CTNNA2: variants seen among roughly 807,000 people sequenced by gnomAD.
CTNNA2 encodes catenin alpha-2.
Under a neutral mutation model 101.0 loss-of-function variants are expected in CTNNA2, and 42 were observed. The observed-to-expected ratio is 0.42, with a 90% confidence interval of 0.32 to 0.54. The LOEUF is 0.54. Ranked by LOEUF, CTNNA2 falls within the 20% of genes least tolerant of loss-of-function variation. The probability of loss-of-function intolerance (pLI) is 0.14; values close to 1 mark genes in which losing one functional copy is unlikely to be tolerated. For synonymous variants in CTNNA2, 450 were observed against 456.4 expected (o/e 0.99, Z 0.18); for missense variants, 871 against 1,223.1 (o/e 0.71, Z 4.29).
At chr2:79,600,286 G>T (rs1347008685) in intron 1 of CTNNA2, among the ~76,000 whole-genome samples, 1 of 151,950 alleles carries the variant, frequency 6.6e-6, no homozygotes, top group Non-Finnish European at 1.5e-5. Context: ...AGCCATTCTT[G>T]TGCCTCAGCC....
chr2:79,657,688 C>T (rs887242568), intron 2 of CTNNA2, among the ~76,000 whole-genome samples: 7 of 151,516 alleles, frequency 4.6e-5, no homozygotes, highest in African/African-American at 1.7e-4. Flanking sequence ...AAGAAACCTA[C>T]CTAAGCTATT....
intron 2 of CTNNA2, among the ~76,000 whole-genome samples, chr2:79,234,825 T>C (rs561923393): frequency 6.6e-6 from 1 of 152,316 alleles, no homozygotes; most frequent in Non-Finnish European, 1.5e-5. Flanking sequence ...TATTCTGCTA[T>C]TGATACTTCC....
chr2:79,834,944 C>T (rs906158544), intron 3 of CTNNA2, among the ~76,000 whole-genome samples: 1 of 152,086 alleles, frequency 6.6e-6, no homozygotes, highest in Non-Finnish European at 1.5e-5. Flanking sequence ...AACAGTCCAT[C>T]CACCCCTATT....
At chr2:80,044,374 C>T (rs1045437567) in intron 7 of CTNNA2, among the ~76,000 whole-genome samples, 2 of 62,622 alleles carry the variant, frequency 3.2e-5, no homozygotes, top group Non-Finnish European at 6.1e-5. Context: ...ATGCAAATGC[C>T]ACATTTGTAA....
chr2:80,185,987 T>C (rs1310123351), intron 7 of CTNNA2, among the ~76,000 whole-genome samples: 1 of 152,178 alleles, frequency 6.6e-6, no homozygotes, highest in Non-Finnish European at 1.5e-5. Context: ...ATTTATGAAA[T>C]GTCTGTGAGC....
chr2:79,466,718 G>T (rs1003169640), intron 4 of CTNNA2, among the ~76,000 whole-genome samples: 3 of 152,210 alleles, frequency 2.0e-5, no homozygotes, highest in African/African-American at 7.2e-5. Context: ...TTGCTGTTCA[G>T]CAATATTCAC....
At chr2:79,912,133 G>A (rs556241849) in intron 7 of CTNNA2, among the ~76,000 whole-genome samples, 13 of 152,280 alleles carry the variant, frequency 8.5e-5, no homozygotes, top group African/African-American at 3.1e-4. Flanking sequence ...GTACCATTAG[G>A]ATAAACAAGT....
intron 7 of CTNNA2, among the ~76,000 whole-genome samples, chr2:80,234,877 C>T (rs1193549390): frequency 6.6e-6 from 1 of 151,440 alleles, no homozygotes; most frequent in Non-Finnish European, 1.5e-5. Flanking sequence ...GTTTCAGTCA[C>T]AACTATTTAA....
intron 9 of CTNNA2, among the ~76,000 whole-genome samples, chr2:80,461,581 T>A (rs1029992989): frequency 1.3e-5 from 2 of 152,212 alleles, no homozygotes; most frequent in Admixed American, 1.3e-4. Flanking sequence ...TTTGACAATA[T>A]ACATGCAATT....
chr2:79,807,013 G>A (rs1393766626), intron 3 of CTNNA2, among the ~76,000 whole-genome samples: 2 of 151,904 alleles, frequency 1.3e-5, no homozygotes. Flanking sequence ...TTCCCAAATG[G>A]ACTCAGTGTA....
At chr2:79,993,002 C>T (rs1692288798) in intron 7 of CTNNA2, among the ~76,000 whole-genome samples, 1 of 152,108 alleles carries the variant, frequency 6.6e-6, no homozygotes, top group South Asian at 2.1e-4. Context: ...CCTTCAAACT[C>T]CTCTTTCTGG....
chr2:79,798,560 CTTT>C lies in CTNNA2; in HGVS notation c.298+53998_298+54000del, dbSNP rs34542700. Among the ~76,000 whole-genome samples the C allele has an allele frequency of 1.4e-4, 17 of 123,798 alleles. No homozygotes were observed. The East Asian group carries it at 1.7e-3, about 13-fold the overall frequency. 81.2% of individuals were successfully genotyped at this position (123,798 alleles called of 152,430 possible). ...AAGCCAACTAATTTATATAATAAGA[CTTT>C]TTTTTTTTTTTTTTTTTTTACAAAA... is the stretch of plus-strand genomic sequence containing the variant. On this transcript the variant is annotated intron_variant, in intron 3 of 18. Coordinates refer to ENST00000402739, the MANE Select transcript of CTNNA2 (RefSeq NM_001282597.3).
intron 16 of CTNNA2, among the ~76,000 whole-genome samples, chr2:80,604,410 A>G (rs1032133565): frequency 2.0e-5 from 3 of 151,990 alleles, no homozygotes; most frequent in Non-Finnish European, 4.4e-5. Context: ...TCCTTGAGAA[A>G]GAAGAACATA....
At chr2:79,928,976 A>G (rs908153691) in intron 7 of CTNNA2, among the ~76,000 whole-genome samples, 11 of 152,190 alleles carry the variant, frequency 7.2e-5, no homozygotes, top group Admixed American at 4.6e-4. Context: ...CACATTATTA[A>G]AGGGATGATT....
intron 1 of CTNNA2, among the ~76,000 whole-genome samples, chr2:79,603,458 G>GT (rs1677680122): frequency 6.6e-6 from 1 of 152,094 alleles, no homozygotes; most frequent in African/African-American, 2.4e-5. Flanking sequence ...AGTGAAAAAA[G>GT]TATCATGTAT....
chr2:80,450,361 G>A (rs992507195), intron 9 of CTNNA2, among the ~76,000 whole-genome samples: 2 of 151,906 alleles, frequency 1.3e-5, no homozygotes, highest in African/African-American at 4.8e-5. Flanking sequence ...AACTAGTATG[G>A]TTGTTCAGCC....
intron 2 of CTNNA2, among the ~76,000 whole-genome samples, chr2:79,236,021 G>A (rs1158910969): frequency 2.6e-5 from 4 of 151,988 alleles, no homozygotes; most frequent in African/African-American, 9.7e-5. Flanking sequence ...AGCAGAGATA[G>A]GTGGAGTTGA....
At chr2:79,370,007 C>T (rs565822123) in intron 3 of CTNNA2, among the ~76,000 whole-genome samples, 2 of 152,060 alleles carry the variant, frequency 1.3e-5, no homozygotes, top group Non-Finnish European at 2.9e-5. Context: ...CTAATTCTGG[C>T]GAAGAGGAGG....
chr2:80,514,576 T>A (rs965223458), intron 9 of CTNNA2, among the ~76,000 whole-genome samples: 13 of 152,112 alleles, frequency 8.5e-5, no homozygotes, highest in Non-Finnish European at 1.9e-4. Context: ...TGGGGAATTT[T>A]ATTTAGTGAT....
Sources: gnomAD v4.1 joint callset for allele counts (sites outside exome capture counted in the v4.1 genomes callset) on GRCh38, gnomAD v4.1.1 for gene constraint, MANE v1.5 for transcripts, NCBI Gene and HGNC (gene_info 2026-07-23, HGNC 2026-07-21) for gene names.